Variants in NDST3 observed in about 807,000 individuals in gnomAD.
NDST3 encodes bifunctional heparan sulfate N-deacetylase/N-sulfotransferase 3.
NDST3 carries 58 observed loss-of-function variants against 96.1 expected under a neutral mutation model. The ratio of observed to expected loss-of-function variants is 0.60; its 90% CI spans 0.49 to 0.75. NDST3 has a LOEUF of 0.75. NDST3 is among the 30% of genes least tolerant of loss of function. The pLI, the probability that NDST3 is intolerant of heterozygous loss-of-function variation, is 0.00. For synonymous variants in NDST3, 333 were observed against 359.7 expected, an observed-to-expected ratio of 0.93 and a Z score of 0.84; for missense variants, 788 against 1,034.2, an observed-to-expected ratio of 0.76 and a Z score of 3.27.
intron 2 of NDST3, among the ~76,000 whole-genome samples, chr4:118,096,550 C>A (rs1729318186): frequency 6.6e-6 from 1 of 151,574 alleles, no homozygotes; most frequent in Non-Finnish European, 1.5e-5. Flanking sequence ...AATTTCTAAC[C>A]CAAACTACCC....
chr4:118,100,791 T>C lies in NDST3; in HGVS notation c.982-4227T>C, dbSNP rs140426073. 1.8e-4 allele frequency among the ~76,000 whole-genome samples: 28 copies of C among 152,280 alleles called. No individual in the cohort carries two copies. The East Asian group carries it at 4.6e-3, about 25-fold the overall frequency. ...GTGACCAAGGGAAAGCCACTTAAAC[T>C]ATGTAAATCATGTCTACCACTTCTG... On this transcript the variant is annotated intron_variant, in intron 2 of 13. Coordinates refer to ENST00000296499, the MANE Select transcript of NDST3 (RefSeq NM_004784.3).
At chr4:118,255,465 T>C in intron 13 of NDST3, 128 bp from the exon 14 acceptor site, 1 of 947,330 alleles carries the variant, frequency 1.1e-6, no homozygotes, top group Non-Finnish European at 1.5e-6. Context: ...GCTAAATAAA[T>C]AGTCCATATG....
intron 6 of NDST3, among the ~76,000 whole-genome samples, chr4:118,210,281 G>T (rs1738699253): frequency 6.6e-6 from 1 of 152,064 alleles, no homozygotes; most frequent in Admixed American, 6.6e-5. Flanking sequence ...CTGCAGGAGG[G>T]GGACACAGTA....
At chr4:118,078,501 C>T (rs942417203) in intron 2 of NDST3, among the ~76,000 whole-genome samples, 3 of 152,158 alleles carry the variant, frequency 2.0e-5, no homozygotes, top group Admixed American at 2.0e-4. Context: ...CCTGTAATCT[C>T]AGCACTTTGG....
At chr4:118,059,834 T>A (rs1167409841) in intron 2 of NDST3, among the ~76,000 whole-genome samples, 2 of 152,174 alleles carry the variant, frequency 1.3e-5, no homozygotes, top group African/African-American at 2.4e-5. Flanking sequence ...CTGTACATTG[T>A]ACATAGTATT....
chr4:118,109,241 A>G (rs550912559), intron 3 of NDST3, among the ~76,000 whole-genome samples: 1 of 152,338 alleles, frequency 6.6e-6, no homozygotes, highest in Non-Finnish European at 1.5e-5. Flanking sequence ...TCCATTGAAT[A>G]AAGGAAAATT....
chr4:118,074,596 G>A (rs2125807011), intron 2 of NDST3, among the ~76,000 whole-genome samples: 1 of 152,286 alleles, frequency 6.6e-6, no homozygotes, highest in East Asian at 1.9e-4. Flanking sequence ...TTGCTTCACA[G>A]ATCTTTCTCC....
At chr4:118,148,546 T>C (rs1734129939) in intron 6 of NDST3, among the ~76,000 whole-genome samples, 1 of 152,228 alleles carries the variant, frequency 6.6e-6, no homozygotes, top group African/African-American at 2.4e-5. Flanking sequence ...AAATTGTGTT[T>C]CTCTTATTAT....
rs569289348 is a variant in NDST3, at chr4:118,180,022, C to A, written c.1539+36338C>A. 2.6e-5 allele frequency among the ~76,000 whole-genome samples: 4 copies of A among 152,078 alleles called. No homozygotes were observed. In the South Asian group the frequency reaches 8.3e-4, roughly 32 times the overall value. The stretch of plus-strand genomic sequence containing the variant: ...CGCCTCCAGTTAACATGGTTCTTAA[C>A]ACATCTAGGGTGAAAATAGAGGGGG... On this transcript the variant is annotated intron_variant, in intron 6 of 13. Coordinates refer to ENST00000296499, the MANE Select transcript of NDST3 (RefSeq NM_004784.3).
Position 118,244,440 on chromosome 4 carries a change from C to A in NDST3, c.2399+2291C>A, listed in dbSNP as rs953299476. On this transcript the variant is annotated intron_variant, in intron 12 of 13. Coordinates refer to ENST00000296499, the MANE Select transcript of NDST3 (RefSeq NM_004784.3). ...ACTTTGGTATTGCTTCTTATTTTTT[C>A]TTCTTATTTTCCTGCTGGTGATAAT... Among the ~76,000 whole-genome samples, 9 of 151,978 alleles carry A rather than the reference C, an allele frequency of 5.9e-5. No homozygotes were observed. In the East Asian group the frequency reaches 1.2e-3, roughly 20 times the overall value.
chr4:118,127,016 C>A (rs1322056962), intron 4 of NDST3, among the ~76,000 whole-genome samples: 1 of 151,776 alleles, frequency 6.6e-6, no homozygotes, highest in Non-Finnish European at 1.5e-5. Context: ...CTATTCAAGC[C>A]CTTTGTCCAT....
intron 5 of NDST3, among the ~76,000 whole-genome samples, chr4:118,138,488 C>T (rs1402525319): frequency 6.6e-6 from 1 of 151,974 alleles, no homozygotes; most frequent in African/African-American, 2.4e-5. Context: ...TGTTAAAATA[C>T]TAAAAAAAAA....
chr4:118,218,705 T>C (rs1251118320), intron 6 of NDST3, among the ~76,000 whole-genome samples: 1 of 151,772 alleles, frequency 6.6e-6, no homozygotes, highest in Non-Finnish European at 1.5e-5. Flanking sequence ...AATCAGCCAA[T>C]AGAAAGAAAT....
At chr4:118,057,581 G>A (rs1725531879) in intron 2 of NDST3, among the ~76,000 whole-genome samples, 1 of 152,056 alleles carries the variant, frequency 6.6e-6, no homozygotes, top group Non-Finnish European at 1.5e-5. Context: ...CAGAGACCAG[G>A]AAGCTGAGAT....
At chr4:118,173,759 A>T (rs1736106021) in intron 6 of NDST3, among the ~76,000 whole-genome samples, 1 of 152,056 alleles carries the variant, frequency 6.6e-6, no homozygotes, top group African/African-American at 2.4e-5. Context: ...ATATATAAAA[A>T]TTTTTTGAAC....
intron 5 of NDST3, among the ~76,000 whole-genome samples, chr4:118,139,827 T>C (rs1423694220): frequency 6.6e-6 from 1 of 152,180 alleles, no homozygotes; most frequent in Non-Finnish European, 1.5e-5. Flanking sequence ...AATTCCTTTA[T>C]ATCTTTTTTA....
At chr4:118,081,671 C>T (rs115074247) in intron 2 of NDST3, among the ~76,000 whole-genome samples, 2,228 of 152,126 alleles carry the variant, frequency 0.015, 56 homozygotes, top group African/African-American at 0.047. Context: ...TAATTAAGTA[C>T]ATTTAAAGGG....
chr4:118,131,627 C>A (rs1311176708), intron 4 of NDST3, among the ~76,000 whole-genome samples: 1 of 152,082 alleles, frequency 6.6e-6, no homozygotes, highest in Non-Finnish European at 1.5e-5. Context: ...TTGGTGAGGT[C>A]ATTTTCCTGG....
intron 4 of NDST3, among the ~76,000 whole-genome samples, chr4:118,115,676 T>A (rs1429424488): frequency 6.6e-6 from 1 of 152,206 alleles, no homozygotes; most frequent in African/African-American, 2.4e-5. Context: ...AAGCACATTA[T>A]GAAGAAAAAT....
Sources: gnomAD v4.1 joint callset for allele counts (sites outside exome capture counted in the v4.1 genomes callset) on GRCh38, gnomAD v4.1.1 for gene constraint, MANE v1.5 for transcripts, NCBI Gene and HGNC (gene_info 2026-07-23, HGNC 2026-07-21) for gene names.